The following MYT1L variants were observed in gnomAD, a reference collection of about 807,000 sequenced individuals.
MYT1L encodes myelin transcription factor 1-like protein.
Under a neutral mutation model 126.7 loss-of-function variants are expected in MYT1L, and 12 were observed. The ratio of observed to expected loss-of-function variants is 0.09; its 90% confidence interval spans 0.06 to 0.15. MYT1L has a LOEUF of 0.15. Among genes scored for constraint, MYT1L ranks in the 10% least tolerant of loss-of-function variants. The pLI, the probability that MYT1L is intolerant of heterozygous loss-of-function variation, is 1.00. For missense variants in MYT1L, 979 were observed against 1,585.2 expected (o/e 0.62, Z 6.49); for synonymous variants, 541 against 604.2 (o/e 0.90, Z 1.53).
chr2:2,193,258 A>G (rs982847440), intron 2 of MYT1L, among the ~76,000 whole-genome samples: 1 of 152,224 alleles, frequency 6.6e-6, no homozygotes. Context: ...GATTACAGGC[A>G]TGAGACACCA....
At chr2:1,847,484 G>A (rs1028112236) in intron 19 of MYT1L, among the ~76,000 whole-genome samples, 1 of 152,240 alleles carries the variant, frequency 6.6e-6, no homozygotes, top group Non-Finnish European at 1.5e-5. Context: ...GGACGGCTGC[G>A]CAGAGAGAAT....
intron 1 of MYT1L, among the ~76,000 whole-genome samples, chr2:2,320,499 A>AAGCC (rs1241169506): frequency 6.6e-6 from 1 of 152,078 alleles, no homozygotes; most frequent in Non-Finnish European, 1.5e-5. Flanking sequence ...AAGAAAAAAA[A>AAGCC]AGCCAGCAAA....
At chr2:2,116,048 G>A (rs990636313) in intron 3 of MYT1L, among the ~76,000 whole-genome samples, 2 of 152,168 alleles carry the variant, frequency 1.3e-5, no homozygotes, top group African/African-American at 4.8e-5. Context: ...TCCAGTCGAC[G>A]AAAACAGGAC....
chr2:1,989,806 G>T (rs1386491035), intron 5 of MYT1L, among the ~76,000 whole-genome samples: 1 of 152,124 alleles, frequency 6.6e-6, no homozygotes, highest in African/African-American at 2.4e-5. Flanking sequence ...AGACCAGCCT[G>T]GCTAACATGG....
intron 18 of MYT1L, chr2:1,885,105 G>A (rs955755439): frequency 1.8e-4 from 28 of 152,360 alleles, no homozygotes; most frequent in African/African-American, 6.7e-4. Context: ...TGTTGGAACT[G>A]GAGATGTGCC....
chr2:2,142,696 GT>G (rs890332289), intron 3 of MYT1L, among the ~76,000 whole-genome samples: 40 of 151,518 alleles, frequency 2.6e-4, no homozygotes, highest in Non-Finnish European at 5.2e-4. Flanking sequence ...AACTATTTTT[GT>G]TTTTTTTGAG....
intron 19 of MYT1L, among the ~76,000 whole-genome samples, chr2:1,845,751 T>C (rs1212062016): frequency 6.6e-6 from 1 of 152,236 alleles, no homozygotes; most frequent in Non-Finnish European, 1.5e-5. Context: ...CCCCTTATAC[T>C]GAATTCAACG....
At chr2:2,330,905 A>G (rs1172198888) in intron 1 of MYT1L, 62 bp downstream of exon 1, 1 of 152,234 alleles carries the variant, frequency 6.6e-6, no homozygotes, top group Non-Finnish European at 1.5e-5. Context: ...CCCTTGAGCT[A>G]CGGTAAAACA....
chr2:2,201,530 T>C (rs1027206770), intron 2 of MYT1L, among the ~76,000 whole-genome samples: 5 of 152,052 alleles, frequency 3.3e-5, no homozygotes, highest in Admixed American at 2.6e-4. Flanking sequence ...AAACCCTGTC[T>C]CTACTGAAAA....
At chr2:2,217,390 A>C (rs1259139931) in intron 2 of MYT1L, among the ~76,000 whole-genome samples, 1 of 152,144 alleles carries the variant, frequency 6.6e-6, no homozygotes, top group East Asian at 1.9e-4. Flanking sequence ...AATTAAAAAG[A>C]AAGAAAATCC....
chr2:2,207,274 A>G (rs529789854), intron 2 of MYT1L, among the ~76,000 whole-genome samples: 1 of 152,324 alleles, frequency 6.6e-6, no homozygotes, highest in Admixed American at 6.5e-5. Context: ...TATATATTCT[A>G]TATCTACACT....
intron 19 of MYT1L, among the ~76,000 whole-genome samples, chr2:1,850,930 G>A (rs143210551): frequency 2.0e-5 from 3 of 152,210 alleles, no homozygotes; most frequent in South Asian, 2.1e-4. Context: ...ATTGCATGGC[G>A]CCTGGACCTC....
intron 3 of MYT1L, among the ~76,000 whole-genome samples, chr2:2,170,416 G>T (rs1273740038): frequency 6.6e-6 from 1 of 152,168 alleles, no homozygotes. Flanking sequence ...CCATTTGCTC[G>T]CTGTTGCCTG....
chr2:2,170,839 G>A (rs1401376051), intron 3 of MYT1L, among the ~76,000 whole-genome samples: 1 of 152,184 alleles, frequency 6.6e-6, no homozygotes, highest in African/African-American at 2.4e-5. Context: ...GGCTGTCATG[G>A]TGACCTTTAT....
intron 2 of MYT1L, among the ~76,000 whole-genome samples, chr2:2,177,811 A>G (rs1005048659): frequency 1.3e-5 from 2 of 151,984 alleles, no homozygotes; most frequent in East Asian, 1.9e-4. Flanking sequence ...TTCCTCCCCA[A>G]CCCCTGGGGC....
intron 24 of MYT1L, 104 bp downstream of exon 24, chr2:1,792,217 C>G (rs2032230851): frequency 5.6e-6 from 8 of 1,417,558 alleles, no homozygotes; most frequent in Middle Eastern, 5.1e-4. Flanking sequence ...CAAACATTTG[C>G]CAAAGGCTGA....
chr2:1,875,259 C>T (rs761142535), intron 18 of MYT1L, among the ~76,000 whole-genome samples: 35 of 151,980 alleles, frequency 2.3e-4, no homozygotes, highest in Admixed American at 2.6e-4. Context: ...GGAAACTGGA[C>T]CTTTAGAGAG....
At chr2:2,077,663 T>A (rs950440078) in intron 3 of MYT1L, among the ~76,000 whole-genome samples, 2 of 152,162 alleles carry the variant, frequency 1.3e-5, no homozygotes, top group Non-Finnish European at 1.5e-5. Flanking sequence ...CTATGGAGAA[T>A]AGAAAGTAGT....
At chr2:2,190,667 T>A (rs1266452801) in intron 2 of MYT1L, among the ~76,000 whole-genome samples, 1 of 151,566 alleles carries the variant, frequency 6.6e-6, no homozygotes, top group Non-Finnish European at 1.5e-5. Context: ...TTTTTAAACA[T>A]CTCATAAATA....
Sources: gnomAD v4.1 joint callset for allele counts (sites outside exome capture counted in the v4.1 genomes callset) on GRCh38, gnomAD v4.1.1 for gene constraint, MANE v1.5 for transcripts, NCBI Gene and HGNC (gene_info 2026-07-23, HGNC 2026-07-21) for gene names.